SPATS2: variants seen among roughly 807,000 people sequenced by gnomAD.
SPATS2 encodes spermatogenesis-associated serine-rich protein 2.
In SPATS2, 38 loss-of-function variants were observed where a neutral mutation model predicts 63.7. The ratio of observed to expected loss-of-function variants is 0.60; its 90% CI spans 0.46 to 0.78. The LOEUF (loss-of-function observed/expected upper bound fraction) is 0.78. SPATS2 is among the 30% of genes least tolerant of loss of function. The probability of loss-of-function intolerance (pLI) is 0.00; values close to 1 mark genes in which losing one functional copy is unlikely to be tolerated. For missense variants in SPATS2, 588 were observed against 666.2 expected (o/e 0.88, Z 1.29); for synonymous variants, 207 against 232.9 (o/e 0.89, Z 1.01).
chr12:49,501,372 A>G (rs957630720), intron 9 of SPATS2, among the ~76,000 whole-genome samples: 1 of 152,114 alleles, frequency 6.6e-6, no homozygotes, highest in Non-Finnish European at 1.5e-5. Flanking sequence ...AGAGGGCCAA[A>G]CTCAATTTTC....
chr12:49,405,565 GA>G (rs1944678973), intron 2 of SPATS2, among the ~76,000 whole-genome samples: 1 of 152,146 alleles, frequency 6.6e-6, no homozygotes, highest in African/African-American at 2.4e-5. Flanking sequence ...TGGGCGTGGT[GA>G]CCCATGCCTG....
intron 2 of SPATS2, among the ~76,000 whole-genome samples, chr12:49,421,055 T>A (rs1944971688): frequency 6.6e-6 from 1 of 152,120 alleles, no homozygotes; most frequent in Non-Finnish European, 1.5e-5. Context: ...AATCCAAAAC[T>A]GGCTTTTTCC....
intron 2 of SPATS2, among the ~76,000 whole-genome samples, chr12:49,451,334 C>G (rs967531173): frequency 6.6e-6 from 1 of 151,972 alleles, no homozygotes; most frequent in Non-Finnish European, 1.5e-5. Flanking sequence ...CTTGTCTGGT[C>G]ATTATAATAA....
intron 2 of SPATS2, among the ~76,000 whole-genome samples, chr12:49,429,085 T>G (rs761445014): frequency 1.1e-4 from 17 of 152,298 alleles, no homozygotes; most frequent in East Asian, 3.9e-4. Context: ...TTGAGCTCCC[T>G]CTACTCCCAC....
At chr12:49,462,721 A>G in intron 3 of SPATS2, 1 of 487,774 alleles carries the variant, frequency 2.1e-6, no homozygotes, top group South Asian at 2.5e-5. Context: ...GCGGGTAGAT[A>G]ATCTTTCCCT....
chr12:49,497,025 A>C lies in SPATS2; in HGVS notation c.703+16A>C, dbSNP rs754758851. On this transcript the variant is annotated intron_variant, in intron 8 of 13. Coordinates refer to ENST00000552918, the MANE Select transcript of SPATS2 (RefSeq NM_023071.4). ...AAAAAGCTAAGTAAGTCAGAGGCCC[A>C]CCTGTGAGAGAAAATGAAAAATCTG... 6 of 1,503,594 alleles carry C rather than the reference A, an allele frequency of 4.0e-6. No homozygotes were observed. The highest frequency in any genetic ancestry group is 5.3e-6 in the Non-Finnish European group (6 of 1,129,132). 93.1% of individuals were successfully genotyped at this position (1,503,594 alleles called of 1,614,324 possible). A position where few individuals can be genotyped will look rare whatever the true frequency, so the allele number is the denominator to read the frequency against.
intron 2 of SPATS2, among the ~76,000 whole-genome samples, chr12:49,398,963 G>A (rs1944559602): frequency 1.3e-5 from 2 of 152,114 alleles, no homozygotes. Flanking sequence ...CTCTTAGGCT[G>A]TTTTAGCATG....
chr12:49,495,088 G>C, intron 7 of SPATS2, 86 bp downstream of exon 7: 1 of 1,366,512 alleles, frequency 7.3e-7, no homozygotes, highest in Non-Finnish European at 9.6e-7. Flanking sequence ...ATTAAATCTA[G>C]TTAGTCTTTT....
At chr12:49,372,126 A>G (rs939848590) in intron 2 of SPATS2, among the ~76,000 whole-genome samples, 1 of 151,860 alleles carries the variant, frequency 6.6e-6, no homozygotes, top group Non-Finnish European at 1.5e-5. Flanking sequence ...GTTCACTGCA[A>G]CCTCTGCCTC....
At position 49,410,697 on chromosome 12, in the gene SPATS2, C is replaced by T. The variant is rs571694560; in HGVS notation, c.-244+39407C>T. ...TCATTTATGCAAAGTTTTGAGTGCT[C>T]ACTGATACGTTTATTCCTCTGTTAG... On this transcript the variant is annotated intron_variant, in intron 2 of 13. Transcript: ENST00000552918. 2.6e-5 allele frequency among the ~76,000 whole-genome samples: 4 copies of T among 152,184 alleles called. No individual in the cohort carries two copies. The East Asian group carries it at 5.8e-4, about 22-fold the overall frequency.
At chr12:49,422,452 T>G (rs1945000067) in intron 2 of SPATS2, among the ~76,000 whole-genome samples, 1 of 152,212 alleles carries the variant, frequency 6.6e-6, no homozygotes, top group African/African-American at 2.4e-5. Context: ...TTGCAGTCAT[T>G]TGGTATGACC....
intron 11 of SPATS2, among the ~76,000 whole-genome samples, chr12:49,522,020 T>C (rs1440687809): frequency 7.0e-6 from 1 of 143,586 alleles, no homozygotes; most frequent in Non-Finnish European, 1.5e-5. Context: ...TTTATCTCCT[T>C]TTCATCTGAA....
At chr12:49,405,791 A>C (rs1174244160) in intron 2 of SPATS2, among the ~76,000 whole-genome samples, 2 of 152,224 alleles carry the variant, frequency 1.3e-5, no homozygotes, top group Non-Finnish European at 2.9e-5. Context: ...GGGCGAGTCC[A>C]AATAAATGTT....
intron 7 of SPATS2, among the ~76,000 whole-genome samples, chr12:49,495,322 T>C (rs1946447320): frequency 6.6e-6 from 1 of 152,044 alleles, no homozygotes; most frequent in Non-Finnish European, 1.5e-5. Context: ...GCCTCCTGAG[T>C]AGCTGGTACT....
chr12:49,369,645 A>G (rs1249120565), intron 1 of SPATS2, among the ~76,000 whole-genome samples: 1 of 152,220 alleles, frequency 6.6e-6, no homozygotes, highest in Non-Finnish European at 1.5e-5. Context: ...AGTAGGCTGT[A>G]GCCTACTCTG....
intron 2 of SPATS2, among the ~76,000 whole-genome samples, chr12:49,452,943 G>A (rs1474559289): frequency 2.0e-5 from 3 of 151,810 alleles, no homozygotes; most frequent in Non-Finnish European, 4.4e-5. Flanking sequence ...GGATCACGAG[G>A]TCAGGAGATC....
chr12:49,464,963 A>G (rs1274833859), intron 3 of SPATS2, among the ~76,000 whole-genome samples: 4 of 152,324 alleles, frequency 2.6e-5, no homozygotes, highest in East Asian at 1.9e-4. Context: ...GAAATTTCAT[A>G]TACACATATT....
chr12:49,458,893 A>G (rs576782238), intron 2 of SPATS2, among the ~76,000 whole-genome samples: 2 of 152,280 alleles, frequency 1.3e-5, no homozygotes, highest in East Asian at 3.9e-4. Context: ...ATATGGACTA[A>G]TCTCATTTTG....
chr12:49,512,793 AAG>A, intron 9 of SPATS2: 1 of 1,150,000 alleles, frequency 8.7e-7, no homozygotes, highest in South Asian at 1.3e-5. Flanking sequence ...TTGGCAACAT[AAG>A]AGAGGTAATG....
Sources: allele counts gnomAD v4.1 joint callset (sites outside exome capture counted in the v4.1 genomes callset), GRCh38; gene constraint gnomAD v4.1.1; transcripts MANE v1.5; gene names NCBI Gene and HGNC (gene_info 2026-07-23, HGNC 2026-07-21).